Variants in CSMD2 observed in about 807,000 individuals in gnomAD.
CSMD2 encodes CUB and sushi domain-containing protein 2.
Under a neutral mutation model 398.5 loss-of-function variants are expected in CSMD2, and 130 were observed. The observed-to-expected ratio is 0.33, with a 90% CI of 0.28 to 0.38. The LOEUF (loss-of-function observed/expected upper bound fraction) is 0.38. Ranked by LOEUF, CSMD2 falls within the 10% of genes least tolerant of loss-of-function variation. The pLI, the probability that CSMD2 is intolerant of heterozygous loss-of-function variation, is 1.00. For synonymous variants in CSMD2, 1,828 were observed against 1,908.5 expected, an observed-to-expected ratio of 0.96 and a Z score of 1.10; for missense variants, 3,829 against 4,764.9, an observed-to-expected ratio of 0.80 and a Z score of 5.78.
intron 22 of CSMD2, among the ~76,000 whole-genome samples, chr1:33,703,465 G>A (rs1352024670): frequency 1.3e-5 from 2 of 152,070 alleles, no homozygotes; most frequent in Admixed American, 1.3e-4. Context: ...ACAGAATATT[G>A]CTTGATGGTC....
intron 5 of CSMD2, among the ~76,000 whole-genome samples, chr1:33,855,860 C>A (rs372444666): frequency 5.3e-5 from 8 of 152,320 alleles, no homozygotes; most frequent in African/African-American, 1.9e-4. Context: ...GAGTCTCTGC[C>A]TAAGTAAAGA....
intron 25 of CSMD2, among the ~76,000 whole-genome samples, chr1:33,674,772 T>C (rs1644641953): frequency 6.6e-6 from 1 of 152,166 alleles, no homozygotes; most frequent in Admixed American, 6.5e-5. Context: ...CAGACCACAG[T>C]GCAATCAAAC....
chr1:33,551,979 T>A (rs1657487598), intron 55 of CSMD2, among the ~76,000 whole-genome samples: 1 of 152,128 alleles, frequency 6.6e-6, no homozygotes, highest in Non-Finnish European at 1.5e-5. Context: ...AGTGCCAAGA[T>A]ATGAGTGAGG....
intron 48 of CSMD2, among the ~76,000 whole-genome samples, chr1:33,580,395 C>G (rs552699717): frequency 6.6e-6 from 1 of 152,338 alleles, no homozygotes; most frequent in East Asian, 1.9e-4. Flanking sequence ...ATAGCCCATC[C>G]TTTGCTGCAT....
At chr1:33,753,292 C>T (rs1363819744) in intron 13 of CSMD2, among the ~76,000 whole-genome samples, 2 of 152,204 alleles carry the variant, frequency 1.3e-5, no homozygotes. Context: ...TTTCAGGGAC[C>T]AGGCCTGGGG....
intron 12 of CSMD2, among the ~76,000 whole-genome samples, chr1:33,786,860 T>G (rs1653599479): frequency 6.6e-6 from 1 of 152,204 alleles, no homozygotes; most frequent in Non-Finnish European, 1.5e-5. Context: ...ATGACATTGT[T>G]AGTGTAGTAT....
rs1467451642 is a variant in CSMD2 at position 33,617,528 on chromosome 1, A to G, written c.5917T>C (p.Phe1973Leu). The change falls in exon 38 of 71, where the codon TTC (phenylalanine) becomes CTC (leucine). Residue 1973 changes from phenylalanine (F) to leucine (L), a missense_variant. By Grantham distance (22) the Phe-to-Leu change is conservative. Around this residue, in one of 5 missense-constraint regions of CSMD2, gnomAD observed 2,001 missense variants for 2,567.1 expected, o/e 0.78. Transcript: ENST00000373381. ...ERYLVNDVVS[F>L]QCEPGYALQG... ...AGGGCATATCCCGGCTCACACTGGA[A>G]AGACACCACATCATTCACCAAGTAG... 1 of 1,614,076 alleles carries G rather than the reference A, an allele frequency of 6.2e-7. No homozygotes were observed. The highest frequency in any genetic ancestry group is 1.3e-5 in the African/African-American group (1 of 75,030).
intron 5 of CSMD2, among the ~76,000 whole-genome samples, chr1:33,890,289 G>A (rs1449405654): frequency 7.2e-6 from 1 of 139,630 alleles, no homozygotes; most frequent in Non-Finnish European, 1.5e-5. Context: ...GGAGTGCAGT[G>A]GAGCGATCGT....
intron 1 of CSMD2, among the ~76,000 whole-genome samples, chr1:34,121,140 T>C (rs1416544305): frequency 6.6e-6 from 1 of 152,250 alleles, no homozygotes; most frequent in East Asian, 1.9e-4. Context: ...GTTGAATGAA[T>C]GAGCGAATGT....
chr1:34,017,422 A>G (rs1156270843), intron 3 of CSMD2, among the ~76,000 whole-genome samples: 1 of 152,174 alleles, frequency 6.6e-6, no homozygotes, highest in Non-Finnish European at 1.5e-5. Flanking sequence ...ATACCTACTT[A>G]GTTTTGGGTC....
intron 66 of CSMD2, among the ~76,000 whole-genome samples, chr1:33,524,110 T>C (rs1055378528): frequency 6.6e-6 from 1 of 152,256 alleles, no homozygotes; most frequent in Non-Finnish European, 1.5e-5. Flanking sequence ...ATGAATGTAA[T>C]ATTTTCCTTT....
chr1:34,112,631 T>A (rs2148447116), intron 1 of CSMD2, among the ~76,000 whole-genome samples: 1 of 152,298 alleles, frequency 6.6e-6, no homozygotes, highest in East Asian at 1.9e-4. Context: ...ATGGGCAGCC[T>A]TGAGAAAAAT....
At chr1:33,696,662 G>C (rs1645429886) in intron 24 of CSMD2, among the ~76,000 whole-genome samples, 1 of 152,106 alleles carries the variant, frequency 6.6e-6, no homozygotes, top group African/African-American at 2.4e-5. Flanking sequence ...CTGCTTCCTG[G>C]GAAGTGAGGA....
At chr1:33,910,718 G>A (rs998773347) in intron 5 of CSMD2, among the ~76,000 whole-genome samples, 4 of 152,192 alleles carry the variant, frequency 2.6e-5, no homozygotes, top group African/African-American at 9.7e-5. Context: ...AGGTTATAGG[G>A]AGCTGAGGGT....
intron 5 of CSMD2, among the ~76,000 whole-genome samples, chr1:33,905,918 T>G (rs1239539055): frequency 6.6e-6 from 1 of 152,224 alleles, no homozygotes; most frequent in Non-Finnish European, 1.5e-5. Context: ...ACTGTGTGAC[T>G]GTTTGTGGCC....
intron 49 of CSMD2, among the ~76,000 whole-genome samples, chr1:33,576,856 G>GAA (rs887093439): frequency 6.6e-6 from 1 of 151,336 alleles, no homozygotes; most frequent in Non-Finnish European, 1.5e-5. Flanking sequence ...TACTTGAAGG[G>GAA]AAAAAACTGT....
intron 1 of CSMD2, among the ~76,000 whole-genome samples, chr1:34,102,086 A>G (rs1660006516): frequency 6.6e-6 from 1 of 151,578 alleles, no homozygotes; most frequent in Non-Finnish European, 1.5e-5. Context: ...ACTGGAGTGC[A>G]GTGGCCCCAT....
chr1:33,900,415 G>A (rs1642670393), intron 5 of CSMD2, among the ~76,000 whole-genome samples: 1 of 152,170 alleles, frequency 6.6e-6, no homozygotes, highest in Non-Finnish European at 1.5e-5. Flanking sequence ...TCCAATTTCT[G>A]GCTCGGACAC....
rs568389837 is a variant in CSMD2, at chr1:33,664,398, A to G, written c.4053-1306T>C. ...GAAATGGACATTGTTATATAACACA[A>G]TTTCACATGAAATTGCAAGGAACAT... On this transcript the variant is annotated intron_variant, in intron 25 of 70. Transcript: ENST00000373381. 6.6e-5 allele frequency among the ~76,000 whole-genome samples: 10 copies of G among 152,336 alleles called. No individual in the cohort carries two copies. In the South Asian group the frequency reaches 2.1e-3, roughly 32 times the overall value.
Sources: gnomAD v4.1 joint callset for allele counts (sites outside exome capture counted in the v4.1 genomes callset) on GRCh38, gnomAD v4.1.1 for gene constraint, gnomAD v4.1.1 regional missense constraint, MANE v1.5 for transcripts, NCBI Gene and HGNC (gene_info 2026-07-23, HGNC 2026-07-21) for gene names.